Variants in SLC52A1 observed in about 807,000 individuals in gnomAD.
The protein encoded by SLC52A1 is solute carrier family 52, riboflavin transporter, member 1.
In SLC52A1, 20 loss-of-function variants were observed where a neutral mutation model predicts 23.2. The ratio of observed to expected loss-of-function variants is 0.86; its 90% CI spans 0.61 to 1.25. SLC52A1 has a LOEUF of 1.25. Among genes scored for constraint, SLC52A1 ranks in the 50% most tolerant of loss-of-function variants. SLC52A1 has a pLI of 0.00. For missense variants in SLC52A1, 528 were observed against 557.0 expected (o/e 0.95, Z 0.52); for synonymous variants, 260 against 256.6 (o/e 1.01, Z -0.13).
Position 5,032,795 on chromosome 17 carries a change from G to GC in SLC52A1, c.*161dup. On this transcript the variant is annotated 3_prime_UTR_variant, in exon 5 of 5. Transcript: ENST00000254853. ...CCTGGCTCTGGGCCTGGTCTTTGGT[G>GC]CCCACCCTGGCCTCACATGCCAACG... The GC allele has an allele frequency of 1.5e-6, 1 of 671,416 alleles. No homozygotes were observed. Among genetic ancestry groups the GC allele is most frequent in the Non-Finnish European group, 2.5e-6 (1 of 399,928 alleles). The allele number at this position is 671,416 out of a possible 1,614,324, so 41.6% of individuals were successfully genotyped here. A position where few individuals can be genotyped will look rare whatever the true frequency, so the allele number is the denominator to read the frequency against.
chr17:5,035,790 G>C (rs930624653), upstream of SLC52A1, among the ~76,000 whole-genome samples: 13 of 78,364 alleles, frequency 1.7e-4, no homozygotes, highest in Admixed American at 4.8e-4. Flanking sequence ...AACCTCCCAA[G>C]CTCAAGGGAT....
intron 1 of SLC52A1, among the ~76,000 whole-genome samples, chr17:5,042,176 C>T (rs1281431575): frequency 3.3e-5 from 5 of 152,198 alleles, no homozygotes; most frequent in African/African-American, 9.7e-5. Context: ...AGGGAGAGGG[C>T]GCACACAATC....
intron 1 of SLC52A1, 34 bp from the exon 2 acceptor site, chr17:5,034,747 G>C: frequency 8.4e-7 from 1 of 1,186,386 alleles, no homozygotes; most frequent in Non-Finnish European, 1.2e-6. Context: ...CAGGTAATAG[G>C]CTGGTGGGAC....
rs1396222980 is a variant in SLC52A1 at position 5,033,785 on chromosome 17, A to AGTT, written c.701_703dup (p.Gln234dup). 1 of 1,614,076 alleles carries AGTT rather than the reference A, an allele frequency of 6.2e-7. No individual in the cohort carries two copies. The highest frequency in any genetic ancestry group is 8.5e-7 in the Non-Finnish European group (1 of 1,180,042). On this transcript the variant is annotated inframe_insertion, in exon 3 of 5. Transcript: ENST00000254853. ...TTCCTCCTCTGCTCCTGGGGATCCC[A>AGTT]GTTGAAGTTCAGGCCCTGAGCCCCC...
chr17:5,035,868 A>C, upstream of SLC52A1, among the ~76,000 whole-genome samples: 3 of 109,182 alleles, frequency 2.7e-5, no homozygotes, highest in South Asian at 3.1e-4. Flanking sequence ...CACCATGTCC[A>C]GCTAATTTTT....
chr17:5,040,602 G>A (rs1975531025), intron 1 of SLC52A1, among the ~76,000 whole-genome samples: 1 of 152,076 alleles, frequency 6.6e-6, no homozygotes, highest in South Asian at 2.1e-4. Flanking sequence ...GGATGGCCTT[G>A]GGGTCTGGTG....
In SLC52A1 at chr17:5,034,668, A is replaced by G. The variant is rs1975417031; in HGVS notation, c.-62T>C. The G allele has an allele frequency of 6.3e-7, 1 of 1,590,922 alleles. No homozygotes were observed. The highest frequency in any genetic ancestry group is 1.3e-5 in the African/African-American group (1 of 74,214). On this transcript the variant is annotated 5_prime_UTR_variant, in exon 2 of 5. Transcript: ENST00000254853. ...GTCACAGGCAGGTCCTTCCCTAGGT[A>G]GGTCCAAAGATGCTTTGGTTCTTCT...
At chr17:5,036,636 T>C (rs994515459), upstream of SLC52A1, among the ~76,000 whole-genome samples, 7 of 151,538 alleles carry the variant, frequency 4.6e-5, no homozygotes, top group African/African-American at 1.7e-4. Flanking sequence ...CGTCTCGAAC[T>C]CCTGACCTCA....
chr17:5,039,647 T>A (rs1318859037), upstream of SLC52A1, among the ~76,000 whole-genome samples: 2 of 152,122 alleles, frequency 1.3e-5, no homozygotes, highest in Admixed American at 1.3e-4. Context: ...AATTTTTATA[T>A]TTTTAGTAAA....
At chr17:5,037,871 C>A (rs1354545777), upstream of SLC52A1, among the ~76,000 whole-genome samples, 1 of 151,092 alleles carries the variant, frequency 6.6e-6, no homozygotes, top group Non-Finnish European at 1.5e-5. Context: ...TTCTTTCTTT[C>A]TTCCAATAAT....
intron 4 of SLC52A1, 24 bp downstream of exon 4, chr17:5,033,237 C>T (rs559250075): frequency 1.9e-6 from 3 of 1,612,942 alleles, no homozygotes; most frequent in South Asian, 1.1e-5. Context: ...CCCTCCTCCC[C>T]ACTTCATGTC....
At chr17:5,035,589 C>T (rs1322857289), upstream of SLC52A1, among the ~76,000 whole-genome samples, 1 of 152,228 alleles carries the variant, frequency 6.6e-6, no homozygotes, top group Admixed American at 6.5e-5. Flanking sequence ...TCCGGCAGTC[C>T]CCGGACCCAG....
upstream of SLC52A1, among the ~76,000 whole-genome samples, chr17:5,037,519 C>T (rs1479086074): frequency 6.6e-6 from 1 of 151,872 alleles, no homozygotes; most frequent in Non-Finnish European, 1.5e-5. Flanking sequence ...ACTCCATCCA[C>T]CCCCCCAAAC....
chr17:5,034,332 CAG>C lies in SLC52A1; in HGVS notation c.155_156del (p.Ser52CysfsTer77), dbSNP rs747451336. 2 of 1,587,312 alleles carry C rather than the reference CAG, an allele frequency of 1.3e-6. No homozygotes were observed. Among genetic ancestry groups the C allele is most frequent in the South Asian group, 2.3e-5 (2 of 86,510 alleles). On this transcript the variant is annotated frameshift_variant, in exon 3 of 5. Coordinates refer to ENST00000254853, the MANE Select transcript of SLC52A1 (RefSeq NM_017986.4). LOFTEE classifies it high-confidence loss of function. ...PEGWSLPSYL[S>X]VVVALGNLGL... ...CCCAGGTTTCCCAGCGCCACAACCA[CAG>C]AGAGGTATGAGGGGAGGCTCCAACC...
At chr17:5,036,645 C>G (rs544122832), upstream of SLC52A1, among the ~76,000 whole-genome samples, 1 of 151,668 alleles carries the variant, frequency 6.6e-6, no homozygotes, top group Admixed American at 6.6e-5. Flanking sequence ...CTCCTGACCT[C>G]AGGTGATCCG....
rs941737013 is a variant in SLC52A1 at position 5,034,170 on chromosome 17, C to T, written c.319G>A (p.Gly107Arg). 2.5e-6 allele frequency: 4 copies of T among 1,614,172 alleles called. No individual in the cohort carries two copies. The highest frequency in any genetic ancestry group is 3.4e-6 in the Non-Finnish European group (4 of 1,180,002). The change falls in exon 3 of 5, where the codon GGG becomes AGG. Residue 107 changes from glycine to arginine, a missense_variant. Transcript: ENST00000254853. ...PLWHHVAPVA[G>R]QLHSVAFLTL... The stretch of plus-strand genomic sequence containing the variant: ...AGGAAGGCCACAGAGTGGAGCTGCC[C>T]TGCCACTGGGGCCACGTGGTGCCAC...
chr17:5,041,777 A>C (rs562373048), intron 1 of SLC52A1, among the ~76,000 whole-genome samples: 1 of 140,748 alleles, frequency 7.1e-6, no homozygotes, highest in Admixed American at 7.2e-5. Flanking sequence ...CCACACCCCA[A>C]AATTTTTTTG....
upstream of SLC52A1, among the ~76,000 whole-genome samples, chr17:5,040,071 G>A (rs757238707): frequency 1.3e-5 from 2 of 152,144 alleles, no homozygotes; most frequent in Non-Finnish European, 2.9e-5. Flanking sequence ...CCTTGTGTGC[G>A]GGCCCCACTG....
chr17:5,037,912 T>C (rs1975492343), upstream of SLC52A1, among the ~76,000 whole-genome samples: 1 of 49,054 alleles, frequency 2.0e-5, no homozygotes, highest in African/African-American at 1.3e-4. Context: ...CTTTCTTCCT[T>C]CCTTTTTTTT....
Sources: allele counts gnomAD v4.1 joint callset (sites outside exome capture counted in the v4.1 genomes callset), GRCh38; gene constraint gnomAD v4.1.1; transcripts MANE v1.5; gene names NCBI Gene and HGNC (gene_info 2026-07-23, HGNC 2026-07-21).